The following TRPM3 variants were observed in gnomAD, a reference collection of about 807,000 sequenced individuals.
TRPM3 encodes the protein transient receptor potential cation channel subfamily M member 3.
Under a neutral mutation model 181.2 loss-of-function variants are expected in TRPM3, and 77 were observed. That is an observed-to-expected ratio of 0.42 (90% CI 0.35 to 0.51). The LOEUF is 0.51. Among genes scored for constraint, TRPM3 ranks in the 20% least tolerant of loss-of-function variants. The pLI is 0.01. For missense variants in TRPM3, 1,759 were observed against 2,196.7 expected (o/e 0.80, Z 3.98); for synonymous variants, 745 against 796.4 (o/e 0.94, Z 1.09).
intron 1 of TRPM3, among the ~76,000 whole-genome samples, chr9:71,292,788 T>C (rs532569114): frequency 6.6e-6 from 1 of 151,950 alleles, no homozygotes; most frequent in South Asian, 2.1e-4. Context: ...CTTCTACAAA[T>C]TTTTTACAAG....
At position 71,413,171 on chromosome 9, in the gene TRPM3, C is replaced by G. The variant is rs376015192; in HGVS notation, c.183+33482G>C. On this transcript the variant is annotated intron_variant, in intron 1 of 24. Transcript: ENST00000357533. ...AAGTGACGAGTTAATGGGTGCAGCA[C>G]ACCAACATGCCACATGTATACATAT... Among the ~76,000 whole-genome samples, 8 of 152,166 alleles carry G rather than the reference C, an allele frequency of 5.3e-5. No homozygotes were observed. In the East Asian group the frequency reaches 1.4e-3, roughly 26 times the overall value.
rs1290325453 is a variant in TRPM3, at chr9:71,168,572, ATTTTTG to A, written c.183+278075_183+278080del. 5.3e-4 allele frequency among the ~76,000 whole-genome samples: 16 copies of A among 30,274 alleles called. No homozygotes were observed. In the South Asian group the frequency reaches 0.011, roughly 20 times the overall value. 19.9% of individuals were successfully genotyped at this position (30,274 alleles called of 152,430 possible). On this transcript the variant is annotated intron_variant, in intron 1 of 24. Transcript: ENST00000357533. ...TATTTATTTATTTATTTATTTATTT[ATTTTTG>A]TTTTTTATTTTTTTATTTTTATTTT...
chr9:70,927,093 G>T (rs767074511), intron 1 of TRPM3, among the ~76,000 whole-genome samples: 3 of 152,140 alleles, frequency 2.0e-5, no homozygotes, highest in African/African-American at 7.2e-5. Context: ...ATTTATCAAG[G>T]TTTTATACTA....
intron 1 of TRPM3, among the ~76,000 whole-genome samples, chr9:71,166,185 A>G (rs534937810): frequency 6.6e-6 from 1 of 152,270 alleles, no homozygotes; most frequent in East Asian, 1.9e-4. Context: ...CACTACAGGG[A>G]AACTAGCTGA....
At chr9:70,642,116 T>C (rs891481179) in intron 9 of TRPM3, among the ~76,000 whole-genome samples, 1 of 152,202 alleles carries the variant, frequency 6.6e-6, no homozygotes, top group Non-Finnish European at 1.5e-5. Flanking sequence ...AGAGACAACC[T>C]TCCTCAGCTC....
At chr9:70,889,228 G>A (rs1434007738) in intron 1 of TRPM3, among the ~76,000 whole-genome samples, 1 of 152,162 alleles carries the variant, frequency 6.6e-6, no homozygotes, top group African/African-American at 2.4e-5. Context: ...GTCTTTAAAA[G>A]AACCAGCCAA....
At position 71,306,954 on chromosome 9, in the gene TRPM3, T is replaced by C. The variant is rs537029463; in HGVS notation, c.183+139699A>G. On this transcript the variant is annotated intron_variant, in intron 1 of 24. Transcript: ENST00000357533. The stretch of plus-strand genomic sequence containing the variant: ...TTCCTTATGTATCACTGTTACTATC[T>C]GTAAAATATCTTTGACATTACTACA... 2.0e-5 allele frequency among the ~76,000 whole-genome samples: 3 copies of C among 152,374 alleles called. No individual in the cohort carries two copies. In the East Asian group the frequency reaches 5.8e-4, roughly 29 times the overall value.
intron 1 of TRPM3, among the ~76,000 whole-genome samples, chr9:71,366,024 T>C (rs923857798): frequency 2.0e-5 from 3 of 152,042 alleles, no homozygotes; most frequent in African/African-American, 4.8e-5. Flanking sequence ...GAGGTTCCAT[T>C]TGAGCTGAAT....
intron 5 of TRPM3, among the ~76,000 whole-genome samples, chr9:70,832,875 G>T (rs2094034595): frequency 6.6e-6 from 1 of 152,152 alleles, no homozygotes; most frequent in South Asian, 2.1e-4. Context: ...GCAAGTCTGT[G>T]AATTCATTCA....
chr9:71,109,686 A>G (rs2070609431), intron 1 of TRPM3, among the ~76,000 whole-genome samples: 1 of 152,200 alleles, frequency 6.6e-6, no homozygotes, highest in Non-Finnish European at 1.5e-5. Context: ...AATGCATGAT[A>G]TAACTCTATA....
rs572892619 is a variant in TRPM3, at chr9:71,195,991, G to A, written c.183+250662C>T. 1.9e-4 allele frequency among the ~76,000 whole-genome samples: 29 copies of A among 152,108 alleles called. 1 individual carries two copies. Among genetic ancestry groups the A allele is most frequent in the Middle Eastern group, 3.4e-3 (1 of 294 alleles). On this transcript the variant is annotated intron_variant, in intron 1 of 24. Coordinates refer to the TRPM3 transcript ENST00000357533. ...GAGGAGCCACCCTTTGGAGGAGGGAGAGGAGCACAAAAAATAAGTATTGGG... is the reference window on the plus strand; with the variant it reads ...GAGGAGCCACCCTTTGGAGGAGGGAAAGGAGCACAAAAAATAAGTATTGGG...
chr9:70,679,396 C>A (rs1008311359), intron 9 of TRPM3, among the ~76,000 whole-genome samples: 1 of 152,182 alleles, frequency 6.6e-6, no homozygotes, highest in South Asian at 2.1e-4. Context: ...AAGTGAATCA[C>A]AACTTAAATT....
chr9:71,367,859 C>G (rs1482462772), intron 1 of TRPM3, among the ~76,000 whole-genome samples: 1 of 152,120 alleles, frequency 6.6e-6, no homozygotes, highest in East Asian at 1.9e-4. Flanking sequence ...TTGCTTTTTG[C>G]CCTCCTAACG....
chr9:71,180,124 A>C lies in TRPM3; in HGVS notation c.183+266529T>G, dbSNP rs1274409025. 3.4e-5 allele frequency among the ~76,000 whole-genome samples: 5 copies of C among 145,956 alleles called. No individual in the cohort carries two copies. The Admixed American group carries it at 3.6e-4, about 10-fold the overall frequency. On this transcript the variant is annotated intron_variant, in intron 1 of 24. Coordinates refer to the TRPM3 transcript ENST00000357533. ...GGCAGGAATGGAATAGCACAATCTC[A>C]GCTCACTGCAACCTCCACATCCCGG...
At chr9:71,093,847 T>C (rs904934773) in intron 1 of TRPM3, among the ~76,000 whole-genome samples, 1 of 151,920 alleles carries the variant, frequency 6.6e-6, no homozygotes, top group South Asian at 2.1e-4. Flanking sequence ...CAAATGCCCA[T>C]CAAGATAGAC....
At chr9:70,660,520 A>C (rs1325287538) in intron 9 of TRPM3, among the ~76,000 whole-genome samples, 1 of 151,898 alleles carries the variant, frequency 6.6e-6, no homozygotes, top group Non-Finnish European at 1.5e-5. Flanking sequence ...ATAAAACCAA[A>C]CTGTGCTCTG....
At chr9:70,541,451 A>G (rs557133629) in intron 25 of TRPM3, among the ~76,000 whole-genome samples, 2 of 152,226 alleles carry the variant, frequency 1.3e-5, no homozygotes, top group South Asian at 4.1e-4. Context: ...AAAGAAATAA[A>G]AAGTCCTAGA....
intron 25 of TRPM3, among the ~76,000 whole-genome samples, chr9:70,548,067 T>C (rs2131783908): frequency 6.6e-6 from 1 of 152,346 alleles, no homozygotes; most frequent in South Asian, 2.1e-4. Context: ...CTTTTCTGAA[T>C]TTAAAAAGCA....
At chr9:71,196,452 T>C (rs999853111) in intron 1 of TRPM3, among the ~76,000 whole-genome samples, 14 of 151,994 alleles carry the variant, frequency 9.2e-5, no homozygotes, top group Non-Finnish European at 2.1e-4. Flanking sequence ...TCCCTGTCCA[T>C]GTGCATATTC....
Sources: gnomAD v4.1 joint callset for allele counts (sites outside exome capture counted in the v4.1 genomes callset) on GRCh38, gnomAD v4.1.1 for gene constraint, MANE v1.5 for transcripts, NCBI Gene and HGNC (gene_info 2026-07-23, HGNC 2026-07-21) for gene names.